TLN2: variants seen among roughly 807,000 people sequenced by gnomAD.
The protein encoded by TLN2 is talin 2, also known as talin-2.
TLN2 carries 118 observed loss-of-function variants against 294.7 expected under a neutral mutation model. The observed-to-expected ratio is 0.40, with a 90% CI of 0.34 to 0.47. The LOEUF (loss-of-function observed/expected upper bound fraction) is 0.47. Among genes scored for constraint, TLN2 ranks in the 20% least tolerant of loss-of-function variants. TLN2 has a pLI of 0.84. For synonymous variants in TLN2, 1,431 were observed against 1,304.5 expected (o/e 1.10, Z -2.09); for missense variants, 3,083 against 3,282.2 (o/e 0.94, Z 1.48).
chr15:62,572,589 A>C (rs150480613), intron 1 of TLN2, among the ~76,000 whole-genome samples: 2 of 152,150 alleles, frequency 1.3e-5, no homozygotes, highest in African/African-American at 4.8e-5. Flanking sequence ...AAACTTTTCT[A>C]TGCCAGTATC....
rs771642554 is a variant in TLN2 at position 62,833,488 on chromosome 15, T to A, written c.7003-16T>A. ...GGATATGAATTGAATGTGATGCTGT[T>A]TTCTTTTGGTTATAGCAAGCGGATG... is the stretch of plus-strand genomic sequence containing the variant. On this transcript the variant is annotated splice_polypyrimidine_tract_variant and intron_variant, in intron 54 of 58. Coordinates refer to ENST00000636159, the MANE Select transcript of TLN2 (RefSeq NM_015059.3). The A allele has an allele frequency of 1.2e-6, 2 of 1,611,950 alleles. No individual in the cohort carries two copies. Among genetic ancestry groups the A allele is most frequent in the African/African-American group, 1.3e-5 (1 of 74,876 alleles).
chr15:62,564,742 ACTAAAAATACAAAAATTAGCTGG>A (rs2043241067), intron 1 of TLN2, among the ~76,000 whole-genome samples: 1 of 151,806 alleles, frequency 6.6e-6, no homozygotes, highest in African/African-American at 2.4e-5. Context: ...CCCCGTCTTT[ACTAAAAATACAAAAATTAGCTGG>A]GCATGGTGTC....
At chr15:62,820,464 C>G in intron 53 of TLN2, 22 bp from the exon 54 acceptor site, 1 of 1,612,512 alleles carries the variant, frequency 6.2e-7, no homozygotes. Context: ...TGAAGAATCA[C>G]CTTCTTTTGG....
At chr15:62,638,484 A>G (rs2050635465) in intron 3 of TLN2, 1 of 455,258 alleles carries the variant, frequency 2.2e-6, no homozygotes, top group African/African-American at 2.0e-5. Flanking sequence ...GGTTGGAGGG[A>G]TCCTGGGAGG....
chr15:62,523,777 A>G (rs1242126529), intron 1 of TLN2, among the ~76,000 whole-genome samples: 4 of 152,264 alleles, frequency 2.6e-5, no homozygotes, highest in East Asian at 1.9e-4. Flanking sequence ...CACCTCAATA[A>G]ATGTTAAAGA....
intron 1 of TLN2, among the ~76,000 whole-genome samples, chr15:62,399,549 G>T (rs1173979380): frequency 6.6e-6 from 1 of 152,234 alleles, no homozygotes; most frequent in Non-Finnish European, 1.5e-5. Flanking sequence ...GAGAGGGAGG[G>T]TGTACACTGC....
intron 37 of TLN2, among the ~76,000 whole-genome samples, chr15:62,758,956 G>A (rs202208988): frequency 1.1e-5 from 1 of 90,996 alleles, no homozygotes; most frequent in South Asian, 3.8e-4. Flanking sequence ...CCATGAATCT[G>A]ACTTTGTGCA....
chr15:62,678,921 T>C (rs1366586581), intron 11 of TLN2, among the ~76,000 whole-genome samples: 1 of 152,166 alleles, frequency 6.6e-6, no homozygotes, highest in Admixed American at 6.5e-5. Flanking sequence ...TTGGAAGTTC[T>C]GGGAAATACA....
chr15:62,608,883 C>CTG (rs969001905), intron 2 of TLN2, among the ~76,000 whole-genome samples: 1 of 151,834 alleles, frequency 6.6e-6, no homozygotes, highest in Non-Finnish European at 1.5e-5. Context: ...GAAGGAGAGC[C>CTG]TGTGGGATTA....
intron 11 of TLN2, among the ~76,000 whole-genome samples, chr15:62,685,430 A>G (rs1023000395): frequency 6.6e-6 from 1 of 152,154 alleles, no homozygotes; most frequent in African/African-American, 2.4e-5. Flanking sequence ...ACTATGATGT[A>G]CTGTGGTTGA....
chr15:62,643,285 A>G (rs1252475708), intron 3 of TLN2, among the ~76,000 whole-genome samples: 2 of 152,026 alleles, frequency 1.3e-5, no homozygotes, highest in Admixed American at 6.6e-5. Context: ...GCCTTATCTC[A>G]AGCTTGGAAA....
At position 62,707,368 on chromosome 15, in the gene TLN2, C is replaced by T. The variant is rs145184081; in HGVS notation, c.2172+115C>T. ...TGTTTAAATAGTCCGAGATTTAGAG[C>T]TTCCTTAAAGTGTCTTAAGTGATGA... On this transcript the variant is annotated intron_variant, in intron 20 of 58. Transcript: ENST00000636159. The T allele has an allele frequency of 2.3e-4, 288 of 1,277,388 alleles. No homozygotes were observed. In the East Asian group the frequency reaches 6.5e-3, roughly 29 times the overall value. The allele number at this position is 1,277,388 out of a possible 1,614,324, so 79.1% of individuals were successfully genotyped here. A position where few individuals can be genotyped will look rare whatever the true frequency, so the allele number is the denominator to read the frequency against.
rs4775538 is a variant in TLN2, at chr15:62,755,594, C to G, written c.4539C>G (p.Ile1513Met). ...HTSALCNACR[I>M]ASSKTANPVA... Reference sequence around the variant, plus strand: ...CAGCCTTGTGCAATGCCTGCCGCATCGCCTCATCCAAGACGGCCAACCCAG... The same window carrying G: ...CAGCCTTGTGCAATGCCTGCCGCATGGCCTCATCCAAGACGGCCAACCCAG... The change falls in exon 37 of 59, where the codon ATC becomes ATG. Residue 1513 changes from isoleucine to methionine, a missense_variant. Coordinates refer to ENST00000636159, the MANE Select transcript of TLN2 (RefSeq NM_015059.3). 1.2e-6 allele frequency: 2 copies of G among 1,613,798 alleles called. No individual in the cohort carries two copies. The highest frequency in any genetic ancestry group is 2.7e-5 in the African/African-American group (2 of 74,898).
chr15:62,500,831 G>C (rs1292925131), intron 1 of TLN2, among the ~76,000 whole-genome samples: 3 of 152,206 alleles, frequency 2.0e-5, no homozygotes, highest in Non-Finnish European at 2.9e-5. Flanking sequence ...TTCTTGAGCA[G>C]TTAAAGACGC....
intron 1 of TLN2, among the ~76,000 whole-genome samples, chr15:62,427,263 T>C (rs998559669): frequency 6.6e-6 from 1 of 152,172 alleles, no homozygotes; most frequent in African/African-American, 2.4e-5. Context: ...GCTGGGATAG[T>C]GTGTGTCTCC....
intron 9 of TLN2, among the ~76,000 whole-genome samples, chr15:62,668,931 G>A (rs2055062233): frequency 6.6e-6 from 1 of 152,204 alleles, no homozygotes; most frequent in Non-Finnish European, 1.5e-5. Flanking sequence ...CAGGTGACAT[G>A]TACCACTTGA....
chr15:62,544,759 CA>C (rs2041896474), intron 1 of TLN2, among the ~76,000 whole-genome samples: 1 of 149,444 alleles, frequency 6.7e-6, no homozygotes, highest in South Asian at 2.2e-4. Context: ...CCTCTAATCA[CA>C]GCCTGAAGTT....
chr15:62,759,357 A>G (rs1163057441), intron 37 of TLN2, among the ~76,000 whole-genome samples: 2 of 152,246 alleles, frequency 1.3e-5, no homozygotes, highest in South Asian at 2.1e-4. Flanking sequence ...CATGTTATTC[A>G]AGGCTTTGAC....
Position 62,651,405 on chromosome 15 carries a change from C to T in TLN2, c.235-600C>T, listed in dbSNP as rs550704972. Reference sequence around the variant, plus strand: ...GGTGACAGATATAGAATGTTCAGTACACTATTTTTTCAACATTGTGCCGTG... The same window carrying T: ...GGTGACAGATATAGAATGTTCAGTATACTATTTTTTCAACATTGTGCCGTG... On this transcript the variant is annotated intron_variant, in intron 5 of 58. Coordinates refer to ENST00000636159, the MANE Select transcript of TLN2 (RefSeq NM_015059.3). Among the ~76,000 whole-genome samples, 248 of 152,182 alleles carry T rather than the reference C, an allele frequency of 1.6e-3. 1 individual carries two copies. Among genetic ancestry groups the T allele is most frequent in the Non-Finnish European group, 2.7e-3 (185 of 68,006 alleles).
Sources: allele counts gnomAD v4.1 joint callset (sites outside exome capture counted in the v4.1 genomes callset), GRCh38; gene constraint gnomAD v4.1.1; transcripts MANE v1.5; gene names NCBI Gene and HGNC (gene_info 2026-07-23, HGNC 2026-07-21).